Variants in PRIM2 observed in about 807,000 individuals in gnomAD.
The protein encoded by PRIM2 is DNA primase large subunit.
Under a neutral mutation model 67.3 loss-of-function variants are expected in PRIM2, and 39 were observed. The ratio of observed to expected loss-of-function variants is 0.58; its 90% CI spans 0.45 to 0.76. PRIM2 has a LOEUF of 0.76. PRIM2 is among the 30% of genes least tolerant of loss of function. PRIM2 has a pLI of 0.00. For missense variants in PRIM2, 398 were observed against 598.7 expected (o/e 0.66, Z 3.50); for synonymous variants, 143 against 198.7 (o/e 0.72, Z 2.36).
intron 7 of PRIM2, among the ~76,000 whole-genome samples, chr6:57,431,202 A>G (rs1202045060): frequency 2.0e-5 from 3 of 151,088 alleles, no homozygotes; most frequent in East Asian, 2.0e-4. Flanking sequence ...GATTTGTACT[A>G]TTCTTAGGTT....
the PRIM2 span, among the ~76,000 whole-genome samples, chr6:57,282,555 C>T: frequency 6.6e-6 from 1 of 152,146 alleles, no homozygotes; most frequent in Non-Finnish European, 1.5e-5. Flanking sequence ...TGTTGAATTC[C>T]TAACTCCCAG....
Position 57,379,898 on chromosome 6 carries a change from T to A in PRIM2, c.460-3T>A. The A allele has an allele frequency of 6.5e-7, 1 of 1,535,658 alleles. No individual in the cohort carries two copies. Among genetic ancestry groups the A allele is most frequent in the Admixed American group, 2.2e-5 (1 of 46,104 alleles). ...TGTAACAGCTTAAAATATGTTTTTT[T>A]AGATAAGTGATGAAGAGAAGACTCT... On this transcript the variant is annotated splice_polypyrimidine_tract_variant and splice_region_variant and intron_variant, in intron 5 of 13. Coordinates refer to ENST00000615550, the MANE Select transcript of PRIM2 (RefSeq NM_000947.5).
intron 7 of PRIM2, among the ~76,000 whole-genome samples, chr6:57,502,410 G>A (rs1386361369): frequency 6.6e-6 from 1 of 152,202 alleles, no homozygotes; most frequent in Non-Finnish European, 1.5e-5. Context: ...GTTCAGGCCA[G>A]TCTATGGAGG....
chr6:57,400,088 G>A (rs1770654033), intron 7 of PRIM2, among the ~76,000 whole-genome samples: 1 of 152,282 alleles, frequency 6.6e-6, no homozygotes, highest in African/African-American at 2.4e-5. Context: ...AGTGGGACAT[G>A]TAGTCCATTT....
intron 7 of PRIM2, among the ~76,000 whole-genome samples, chr6:57,438,620 C>G (rs565247382): frequency 6.6e-6 from 1 of 152,230 alleles, no homozygotes; most frequent in African/African-American, 2.4e-5. Context: ...AGATCAATTT[C>G]TGAAACTTGG....
At chr6:57,568,157 C>T (rs1775785010) in intron 10 of PRIM2, among the ~76,000 whole-genome samples, 1 of 151,894 alleles carries the variant, frequency 6.6e-6, no homozygotes, top group African/African-American at 2.4e-5. Context: ...TAAAAATTTG[C>T]CCAGTATTTG....
At chr6:57,458,567 C>T (rs1772887375) in intron 7 of PRIM2, among the ~76,000 whole-genome samples, 1 of 152,244 alleles carries the variant, frequency 6.6e-6, no homozygotes, top group Non-Finnish European at 1.5e-5. Context: ...CACCTGTAAT[C>T]CCAGCTACTC....
the PRIM2 span, among the ~76,000 whole-genome samples, chr6:57,227,163 T>C: frequency 6.6e-6 from 1 of 152,216 alleles, no homozygotes; most frequent in East Asian, 1.9e-4. Flanking sequence ...TCCTCTCTAA[T>C]GGAAAGGGCT....
intron 7 of PRIM2, among the ~76,000 whole-genome samples, chr6:57,405,319 G>A (rs1238845971): frequency 2.6e-5 from 4 of 151,944 alleles, no homozygotes; most frequent in Admixed American, 2.6e-4. Context: ...TTACAGGGTT[G>A]ATAAAGTGCT....
intron 7 of PRIM2, among the ~76,000 whole-genome samples, chr6:57,431,773 T>A (rs112929806): frequency 0.07 from 10,589 of 152,280 alleles, 524 homozygotes; most frequent in East Asian, 0.2. Flanking sequence ...GCTGATATTG[T>A]GGCCTAGGTC....
At chr6:57,389,931 GATC>G (rs1435462363) in intron 7 of PRIM2, among the ~76,000 whole-genome samples, 3 of 152,016 alleles carry the variant, frequency 2.0e-5, no homozygotes, top group Non-Finnish European at 4.4e-5. Context: ...TAAATATACT[GATC>G]ATTTAATGCC....
intron 8 of PRIM2, among the ~76,000 whole-genome samples, chr6:57,524,187 G>A (rs1774691999): frequency 6.6e-6 from 1 of 152,152 alleles, no homozygotes; most frequent in Non-Finnish European, 1.5e-5. Context: ...TGTTTTGTAT[G>A]TTTTGAAAGT....
At chr6:57,361,061 A>C (rs1769182647) in intron 5 of PRIM2, among the ~76,000 whole-genome samples, 1 of 152,142 alleles carries the variant, frequency 6.6e-6, no homozygotes, top group African/African-American at 2.4e-5. Flanking sequence ...AATATTTAGA[A>C]CATTATAAGA....
At position 57,622,336 on chromosome 6, in the gene PRIM2, A is replaced by G. The variant is rs1280711342; in HGVS notation, c.1231-9797A>G. On this transcript the variant is annotated intron_variant, in intron 12 of 13. Coordinates refer to ENST00000615550, the MANE Select transcript of PRIM2 (RefSeq NM_000947.5). ...GAAAATCTAAAATTACAGATATGTC[A>G]TATTTCTGTTGAGAGCACTGCTTTA... Among the ~76,000 whole-genome samples the G allele has an allele frequency of 4.6e-5, 7 of 152,334 alleles. No homozygotes were observed. In the South Asian group the frequency reaches 8.3e-4, roughly 18 times the overall value.
upstream of PRIM2, among the ~76,000 whole-genome samples, chr6:57,316,112 C>T (rs1272919653): frequency 6.6e-6 from 1 of 152,128 alleles, no homozygotes; most frequent in African/African-American, 2.4e-5. Flanking sequence ...CATTTTGTGT[C>T]CTTTTGACTT....
At chr6:57,377,771 A>G (rs1769817285) in intron 5 of PRIM2, among the ~76,000 whole-genome samples, 1 of 152,004 alleles carries the variant, frequency 6.6e-6, no homozygotes, top group Admixed American at 6.5e-5. Flanking sequence ...TATAGGCCTA[A>G]TCATCTCTGA....
At chr6:57,368,631 G>T (rs202124699) in intron 5 of PRIM2, among the ~76,000 whole-genome samples, 1 of 152,084 alleles carries the variant, frequency 6.6e-6, no homozygotes, top group Non-Finnish European at 1.5e-5. Context: ...AGTCTCATCC[G>T]TTCCACATTT....
At chr6:57,237,449 G>T in the PRIM2 span, among the ~76,000 whole-genome samples, 1 of 152,100 alleles carries the variant, frequency 6.6e-6, no homozygotes, top group Non-Finnish European at 1.5e-5. Flanking sequence ...TTTGGCTTTT[G>T]TTGCCATTGC....
intron 10 of PRIM2, among the ~76,000 whole-genome samples, chr6:57,572,709 ATTGG>A (rs1775884710): frequency 6.6e-6 from 1 of 152,228 alleles, no homozygotes; most frequent in Non-Finnish European, 1.5e-5. Flanking sequence ...CACTGTCCAG[ATTGG>A]ATGAATATAG....
Sources: gnomAD v4.1 joint callset for allele counts (sites outside exome capture counted in the v4.1 genomes callset) on GRCh38, gnomAD v4.1.1 for gene constraint, MANE v1.5 for transcripts, NCBI Gene and HGNC (gene_info 2026-07-23, HGNC 2026-07-21) for gene names.